Variants in IMPG1 observed in about 807,000 individuals in gnomAD.
IMPG1 encodes interphotoreceptor matrix proteoglycan 1.
In IMPG1, 85 loss-of-function variants were observed where a neutral mutation model predicts 92.0. That is an observed-to-expected ratio of 0.92 (90% CI 0.78 to 1.11). The LOEUF is 1.11. IMPG1 is among the 50% of genes least tolerant of loss of function. The pLI is 0.00. For synonymous variants in IMPG1, 367 were observed against 334.1 expected, an observed-to-expected ratio of 1.10 and a Z score of -1.08; for missense variants, 1,022 against 956.0, an observed-to-expected ratio of 1.07 and a Z score of -0.91.
At chr6:75,979,286 C>T (rs1030120470) in intron 12 of IMPG1, among the ~76,000 whole-genome samples, 9 of 152,240 alleles carry the variant, frequency 5.9e-5, no homozygotes, top group African/African-American at 2.2e-4. Flanking sequence ...GAGCAATATA[C>T]TCATAGTCTC....
intron 12 of IMPG1, among the ~76,000 whole-genome samples, chr6:75,974,856 G>A (rs897561620): frequency 1.3e-5 from 2 of 152,094 alleles, no homozygotes; most frequent in African/African-American, 4.8e-5. Flanking sequence ...CAGTTTAAAT[G>A]AAAATAAAGG....
chr6:76,045,169 A>C (rs1354404473), intron 1 of IMPG1, among the ~76,000 whole-genome samples: 1 of 152,202 alleles, frequency 6.6e-6, no homozygotes, highest in Non-Finnish European at 1.5e-5. Context: ...TTATAAGGTC[A>C]CCCAGTTTTA....
chr6:76,005,564 C>CATTGTTA, intron 9 of IMPG1, 30 bp from the exon 10 acceptor site: 1 of 1,606,852 alleles, frequency 6.2e-7, no homozygotes, highest in Admixed American at 1.7e-5. Flanking sequence ...CATTCCCCAC[C>CATTGTTA]CAAAGCCATT....
chr6:75,982,247 T>C (rs1428587585), intron 12 of IMPG1, among the ~76,000 whole-genome samples: 2 of 152,122 alleles, frequency 1.3e-5, no homozygotes, highest in Admixed American at 1.3e-4. Flanking sequence ...ATCTGAATAA[T>C]TCAGGCAACA....
chr6:76,018,028 C>T (rs563534194), intron 7 of IMPG1, among the ~76,000 whole-genome samples: 2 of 152,302 alleles, frequency 1.3e-5, no homozygotes, highest in South Asian at 2.1e-4. Flanking sequence ...CAGGCATGAG[C>T]CACCGCGGTT....
intron 7 of IMPG1, among the ~76,000 whole-genome samples, chr6:76,015,014 A>AGT (rs1158659898): frequency 6.6e-6 from 1 of 152,192 alleles, no homozygotes; most frequent in East Asian, 1.9e-4. Flanking sequence ...TTGCTAATTA[A>AGT]GTGCCCAGTT....
chr6:76,041,305 T>G (rs1239315048), intron 2 of IMPG1, among the ~76,000 whole-genome samples: 1 of 152,124 alleles, frequency 6.6e-6, no homozygotes, highest in Non-Finnish European at 1.5e-5. Context: ...ACTGTGACTC[T>G]GCTGGAAACC....
intron 9 of IMPG1, among the ~76,000 whole-genome samples, chr6:76,006,550 A>G (rs188984086): frequency 0.011 from 1,658 of 149,408 alleles, 32 homozygotes; most frequent in African/African-American, 0.038. Flanking sequence ...GTGTATGTGT[A>G]TATATATATA....
At chr6:76,060,419 G>A (rs1374999409) in intron 1 of IMPG1, among the ~76,000 whole-genome samples, 1 of 152,158 alleles carries the variant, frequency 6.6e-6, no homozygotes, top group East Asian at 1.9e-4. Flanking sequence ...GAGCTTGACA[G>A]CAGCATTTCC....
At chr6:75,923,906 ATTTC>A (rs1781476302) in intron 15 of IMPG1, among the ~76,000 whole-genome samples, 200 bp from the exon 16 acceptor site, 1 of 152,094 alleles carries the variant, frequency 6.6e-6, no homozygotes, top group Non-Finnish European at 1.5e-5. Flanking sequence ...TTGGCTTACT[ATTTC>A]TTAGGCAGTG....
At chr6:76,070,971 A>G (rs1055224251) in intron 1 of IMPG1, among the ~76,000 whole-genome samples, 1 of 151,468 alleles carries the variant, frequency 6.6e-6, no homozygotes, top group Non-Finnish European at 1.5e-5. Flanking sequence ...ATCTATATTT[A>G]AAAAAAACAA....
At chr6:75,948,765 C>T (rs1247590191) in intron 13 of IMPG1, among the ~76,000 whole-genome samples, 1 of 152,170 alleles carries the variant, frequency 6.6e-6, no homozygotes, top group Non-Finnish European at 1.5e-5. Context: ...CTAGAAAGCA[C>T]ATTTTCCAGC....
chr6:75,998,343 C>T (rs536267487), intron 12 of IMPG1, among the ~76,000 whole-genome samples: 28 of 152,286 alleles, frequency 1.8e-4, no homozygotes, highest in Non-Finnish European at 3.8e-4. Context: ...TAGAGACAGA[C>T]GGCTGTCCCT....
intron 12 of IMPG1, among the ~76,000 whole-genome samples, chr6:75,974,364 T>TTTC (rs1173014694): frequency 8.8e-5 from 10 of 113,770 alleles, no homozygotes; most frequent in Non-Finnish European, 1.9e-4. Flanking sequence ...TCTTTCTTTC[T>TTTC]TTCTTTCTTT....
chr6:75,974,445 C>T lies in IMPG1; in HGVS notation c.1292-23351G>A, dbSNP rs149368573. Among the ~76,000 whole-genome samples the T allele has an allele frequency of 7.8e-4, 105 of 134,532 alleles. 2 individuals carry two copies. The highest frequency in any genetic ancestry group is 2.9e-3 in the African/African-American group (103 of 35,896). 88.3% of individuals were successfully genotyped at this position (134,532 alleles called of 152,430 possible). A position where few individuals can be genotyped will look rare whatever the true frequency, so the allele number is the denominator to read the frequency against. On this transcript the variant is annotated intron_variant, in intron 12 of 16. Coordinates refer to ENST00000369950, the MANE Select transcript of IMPG1 (RefSeq NM_001563.4). The stretch of plus-strand genomic sequence containing the variant: ...CCTTCCTTGCTTCCTTCCTTCCTTC[C>T]TTCCTTCTTTCTTCTTTCTTTCTTT...
intron 12 of IMPG1, among the ~76,000 whole-genome samples, chr6:75,987,990 AC>A (rs1782749328): frequency 2.0e-5 from 3 of 152,142 alleles, no homozygotes; most frequent in African/African-American, 7.2e-5. Flanking sequence ...CATGGTGTAT[AC>A]GTGCCACATT....
At chr6:75,969,201 G>A (rs1483399700) in intron 12 of IMPG1, among the ~76,000 whole-genome samples, 1 of 152,102 alleles carries the variant, frequency 6.6e-6, no homozygotes, top group Non-Finnish European at 1.5e-5. Flanking sequence ...TAAAATTTCA[G>A]TTAGATAGGA....
intron 12 of IMPG1, among the ~76,000 whole-genome samples, chr6:75,957,273 G>A (rs567211513): frequency 4.9e-4 from 75 of 152,124 alleles, no homozygotes; most frequent in Non-Finnish European, 1.0e-3. Context: ...GGTCTGAGAG[G>A]CTGTTTGTTA....
At position 76,034,798 on chromosome 6, in the gene IMPG1, G is replaced by A; in HGVS notation, c.302-11C>T. ...CTGCTTCCTGACACACTGTAATACA[G>A]AGTCATTAATGGCCATGCCCTAAGA... On this transcript the variant is annotated splice_polypyrimidine_tract_variant and intron_variant, in intron 2 of 16. Transcript: ENST00000369950. 1 of 1,607,284 alleles carries A rather than the reference G, an allele frequency of 6.2e-7. No individual in the cohort carries two copies. The highest frequency in any genetic ancestry group is 8.5e-7 in the Non-Finnish European group (1 of 1,174,944).
Sources: gnomAD v4.1 joint callset for allele counts (sites outside exome capture counted in the v4.1 genomes callset) on GRCh38, gnomAD v4.1.1 for gene constraint, MANE v1.5 for transcripts, NCBI Gene and HGNC (gene_info 2026-07-23, HGNC 2026-07-21) for gene names.